The following JAZF1 variants were observed in gnomAD, a reference collection of about 807,000 sequenced individuals.
JAZF1 encodes the protein juxtaposed with another zinc finger protein 1.
JAZF1 carries 8 observed loss-of-function variants against 26.4 expected under a neutral mutation model. The observed-to-expected ratio is 0.30, with a 90% CI of 0.18 to 0.55. The LOEUF is 0.55. Among genes scored for constraint, JAZF1 ranks in the 20% least tolerant of loss-of-function variants. The pLI is 0.94. For missense variants in JAZF1, 199 were observed against 322.0 expected (o/e 0.62, Z 2.92); for synonymous variants, 126 against 122.3 (o/e 1.03, Z -0.20).
At chr7:27,907,223 G>A (rs1784274319) in intron 2 of JAZF1, among the ~76,000 whole-genome samples, 2 of 152,108 alleles carry the variant, frequency 1.3e-5, no homozygotes, top group Non-Finnish European at 2.9e-5. Context: ...TAAAACAGAG[G>A]TAATCCTAAC....
At chr7:27,938,320 T>C (rs960162031) in intron 2 of JAZF1, among the ~76,000 whole-genome samples, 4 of 152,212 alleles carry the variant, frequency 2.6e-5, no homozygotes, top group African/African-American at 9.6e-5. Context: ...CTTTCCAACA[T>C]TACCTCTTCC....
In JAZF1 at chr7:27,881,536, G is replaced by A. The variant is rs147552670; in HGVS notation, c.385+13684C>T. Among the ~76,000 whole-genome samples, 529 of 152,174 alleles carry A rather than the reference G, an allele frequency of 3.5e-3. 4 individuals are homozygous for A. The highest frequency in any genetic ancestry group is 0.012 in the African/African-American group (485 of 41,502). ...ACTAACTTCATCATGGTGAATTTCA[G>A]GGAGACTTTCAACACAATAATGGTC... On this transcript the variant is annotated intron_variant, in intron 3 of 4. Transcript: ENST00000283928.
Position 27,884,904 on chromosome 7 carries a change from G to A in JAZF1, c.385+10316C>T, listed in dbSNP as rs539162147. 2.5e-3 allele frequency among the ~76,000 whole-genome samples: 374 copies of A among 152,210 alleles called. 2 individuals carry two copies. The highest frequency in any genetic ancestry group is 8.5e-3 in the African/African-American group (354 of 41,520). On this transcript the variant is annotated intron_variant, in intron 3 of 4. Coordinates refer to ENST00000283928, the MANE Select transcript of JAZF1 (RefSeq NM_175061.4). ...CAACATCACTCAGCTCTGTGGCCCC[G>A]AGGAACCTATATCACACCTCTGTCA... is the stretch of plus-strand genomic sequence containing the variant.
chr7:28,068,134 C>T (rs1783915181), intron 1 of JAZF1, among the ~76,000 whole-genome samples: 1 of 151,862 alleles, frequency 6.6e-6, no homozygotes, highest in South Asian at 2.1e-4. Context: ...AGGCTGGTCT[C>T]GAACTCCTGA....
At chr7:27,883,069 G>A (rs1170527978) in intron 3 of JAZF1, among the ~76,000 whole-genome samples, 1 of 152,200 alleles carries the variant, frequency 6.6e-6, no homozygotes, top group Non-Finnish European at 1.5e-5. Flanking sequence ...GAAAATTACT[G>A]AGAAGTGTGC....
At chr7:28,089,837 G>A (rs1001718400) in intron 1 of JAZF1, among the ~76,000 whole-genome samples, 17 of 152,216 alleles carry the variant, frequency 1.1e-4, no homozygotes, top group African/African-American at 2.4e-5. Flanking sequence ...ATTGGCAAGT[G>A]ATAAAATTGG....
chr7:28,180,428 C>T, intron 1 of JAZF1, 35 bp downstream of exon 1: 1 of 1,555,102 alleles, frequency 6.4e-7, no homozygotes, highest in Non-Finnish European at 8.8e-7. Flanking sequence ...AGTTTCCGCG[C>T]GCCTGGCACC....
intron 1 of JAZF1, among the ~76,000 whole-genome samples, chr7:28,096,112 A>G (rs1310403792): frequency 6.6e-6 from 1 of 152,230 alleles, no homozygotes; most frequent in Admixed American, 6.5e-5. Context: ...GGCGTGAGAC[A>G]GAAGACACTA....
At chr7:27,868,394 C>A (rs147878425) in intron 3 of JAZF1, among the ~76,000 whole-genome samples, 1 of 152,216 alleles carries the variant, frequency 6.6e-6, no homozygotes, top group African/African-American at 2.4e-5. Flanking sequence ...GGTTGACTGC[C>A]GCTTGCTTCT....
chr7:28,167,087 T>G (rs978169096), intron 1 of JAZF1, among the ~76,000 whole-genome samples: 4 of 152,196 alleles, frequency 2.6e-5, no homozygotes, highest in African/African-American at 9.7e-5. Context: ...AGGCCCTTCA[T>G]AGTCATGTTT....
At chr7:27,919,466 A>G (rs1784494651) in intron 2 of JAZF1, among the ~76,000 whole-genome samples, 1 of 152,234 alleles carries the variant, frequency 6.6e-6, no homozygotes, top group African/African-American at 2.4e-5. Flanking sequence ...AGGTAAACGG[A>G]AAATGCAAGC....
intron 1 of JAZF1, among the ~76,000 whole-genome samples, chr7:28,175,151 C>T (rs953255376): frequency 1.3e-5 from 2 of 152,170 alleles, no homozygotes; most frequent in Admixed American, 1.3e-4. Flanking sequence ...CACCACTTTC[C>T]CAGTCCACTG....
rs142020917 is a variant in JAZF1 at position 28,158,149 on chromosome 7, G to GCACA, written c.115+22310_115+22313dup. On this transcript the variant is annotated intron_variant, in intron 1 of 4. Coordinates refer to ENST00000283928, the MANE Select transcript of JAZF1 (RefSeq NM_175061.4). ...AGGAGACCACATTGAAAACACGCGC[G>GCACA]CACACACACACACACACAAACACAC... 3.1e-3 allele frequency among the ~76,000 whole-genome samples: 415 copies of GCACA among 131,866 alleles called. 2 individuals carry two copies. The highest frequency in any genetic ancestry group is 0.01 in the African/African-American group (350 of 34,556). 86.5% of individuals were successfully genotyped at this position (131,866 alleles called of 152,430 possible). A position where few individuals can be genotyped will look rare whatever the true frequency, so the allele number is the denominator to read the frequency against.
chr7:28,174,821 GGTGTGTGTGT>G lies in JAZF1; in HGVS notation c.115+5632_115+5641del, dbSNP rs58952216. On this transcript the variant is annotated intron_variant, in intron 1 of 4. Coordinates refer to ENST00000283928, the MANE Select transcript of JAZF1 (RefSeq NM_175061.4). ...CCTGATCCTGCCTATGGGGTGTGTG[GGTGTGTGTGT>G]GTGTGTGTGTGTGTGTGTATGCACA... Among the ~76,000 whole-genome samples the G allele has an allele frequency of 2.6e-3, 284 of 107,798 alleles. 27 individuals carry two copies. The highest frequency in any genetic ancestry group is 7.4e-3 in the African/African-American group (264 of 35,868). The allele number at this position is 107,798 out of a possible 152,430, so 70.7% of individuals were successfully genotyped here. A position where few individuals can be genotyped will look rare whatever the true frequency, so the allele number is the denominator to read the frequency against.
At chr7:27,959,573 C>A (rs1454465012) in intron 2 of JAZF1, among the ~76,000 whole-genome samples, 1 of 152,196 alleles carries the variant, frequency 6.6e-6, no homozygotes, top group African/African-American at 2.4e-5. Context: ...AGTAACCATT[C>A]TCCATACAGA....
At chr7:28,174,357 C>T (rs1305273887) in intron 1 of JAZF1, among the ~76,000 whole-genome samples, 2 of 152,190 alleles carry the variant, frequency 1.3e-5, no homozygotes, top group Non-Finnish European at 2.9e-5. Context: ...AGGCCTCTGG[C>T]TTCCAAACAG....
chr7:27,902,052 T>C (rs1018826332), intron 2 of JAZF1, among the ~76,000 whole-genome samples: 11 of 152,212 alleles, frequency 7.2e-5, no homozygotes, highest in African/African-American at 2.7e-4. Context: ...AGTTTGGCAC[T>C]AAAACATCAT....
intron 3 of JAZF1, chr7:27,841,793 T>C (rs549898850): frequency 3.3e-5 from 5 of 152,218 alleles, no homozygotes; most frequent in Non-Finnish European, 7.3e-5. Flanking sequence ...TTTGGAGCTT[T>C]TGCACAATAC....
At chr7:27,923,937 GTGT>G (rs1051520308) in intron 2 of JAZF1, among the ~76,000 whole-genome samples, 54 of 152,200 alleles carry the variant, frequency 3.5e-4, no homozygotes, top group Admixed American at 1.3e-4. Flanking sequence ...TGAGTATGAA[GTGT>G]TGTTTAACGT....
Sources: allele counts gnomAD v4.1 joint callset (sites outside exome capture counted in the v4.1 genomes callset), GRCh38; gene constraint gnomAD v4.1.1; transcripts MANE v1.5; gene names NCBI Gene and HGNC (gene_info 2026-07-23, HGNC 2026-07-21).